IGSF11: variants seen among roughly 807,000 people sequenced by gnomAD.
The protein encoded by IGSF11 is CXADR like 1.
IGSF11 carries 22 observed loss-of-function variants against 41.0 expected under a neutral mutation model. The observed-to-expected ratio is 0.54, with a 90% CI of 0.38 to 0.77. The LOEUF is 0.77. IGSF11 is among the 30% of genes least tolerant of loss of function. The pLI, the probability that IGSF11 is intolerant of heterozygous loss-of-function variation, is 0.00. For missense variants in IGSF11, 444 were observed against 530.8 expected (o/e 0.84, Z 1.61); for synonymous variants, 219 against 201.3 (o/e 1.09, Z -0.74).
At chr3:119,139,273 G>A (rs1316969045) in intron 1 of IGSF11, among the ~76,000 whole-genome samples, 1 of 152,082 alleles carries the variant, frequency 6.6e-6, no homozygotes, top group East Asian at 1.9e-4. Flanking sequence ...GAGTCCTTCA[G>A]GCCAGAATGA....
chr3:119,025,409 A>C (rs1939720895), intron 1 of IGSF11, among the ~76,000 whole-genome samples: 2 of 152,136 alleles, frequency 1.3e-5, no homozygotes, highest in African/African-American at 4.8e-5. Context: ...CCTGACTTAA[A>C]AATTGGGACT....
In IGSF11 at chr3:119,145,943, C is replaced by A. The variant is rs1219298805; in HGVS notation, c.-144G>T. On this transcript the variant is annotated 5_prime_UTR_variant, in exon 1 of 8. Coordinates refer to the IGSF11 transcript ENST00000425327. The stretch of plus-strand genomic sequence containing the variant: ...GCAGGGTGAGGAGAAGCTGTAACTG[C>A]CAGAGCCTGAGAATCGCCCCTTCTC... The A allele has an allele frequency of 8.8e-6, 4 of 456,112 alleles. No homozygotes were observed. In the Admixed American group the frequency reaches 1.6e-4, roughly 18 times the overall value. The allele number at this position is 456,112 out of a possible 1,614,324, so 28.3% of individuals were successfully genotyped here. A position where few individuals can be genotyped will look rare whatever the true frequency, so the allele number is the denominator to read the frequency against.
At chr3:119,000,237 T>C (rs1936683495) in intron 1 of IGSF11, among the ~76,000 whole-genome samples, 1 of 150,580 alleles carries the variant, frequency 6.6e-6, no homozygotes, top group African/African-American at 2.5e-5. Context: ...ACCTCTCCTC[T>C]TTCCACACTC....
rs995642035 is a variant in IGSF11, at chr3:118,926,891, A to G, written c.425-635T>C. Among the ~76,000 whole-genome samples, 5 of 152,346 alleles carry G rather than the reference A, an allele frequency of 3.3e-5. 1 individual carries two copies. Among genetic ancestry groups the G allele is most frequent in the East Asian group, 1.9e-4 (1 of 5,190 alleles). On this transcript the variant is annotated intron_variant, in intron 3 of 6. Transcript: ENST00000393775. ...GAAGAAGGTGGTGATATATAGTAACAAGGAAAAAAACAAAACAAAACCATA... is the reference window on the plus strand; with the variant it reads ...GAAGAAGGTGGTGATATATAGTAACGAGGAAAAAAACAAAACAAAACCATA...
At chr3:119,001,467 CTTT>C (rs113963134) in intron 1 of IGSF11, among the ~76,000 whole-genome samples, 1,522 of 130,574 alleles carry the variant, frequency 0.012, 26 homozygotes, top group East Asian at 0.067. Flanking sequence ...CCCAGGTTTT[CTTT>C]TTTTTTTTTT....
At chr3:119,106,736 C>A (rs150733018), upstream of IGSF11, among the ~76,000 whole-genome samples, 6 of 151,986 alleles carry the variant, frequency 3.9e-5, no homozygotes, top group African/African-American at 9.7e-5. Context: ...ATCCCTCCCC[C>A]CTCCTCCCAC....
At chr3:118,952,816 A>T (rs1264624683) in intron 1 of IGSF11, among the ~76,000 whole-genome samples, 2 of 152,184 alleles carry the variant, frequency 1.3e-5, no homozygotes, top group Admixed American at 1.3e-4. Context: ...TTTTGAATGC[A>T]CTGATCAAAT....
chr3:119,079,878 A>G (rs1196583362), intron 1 of IGSF11, among the ~76,000 whole-genome samples: 1 of 152,186 alleles, frequency 6.6e-6, no homozygotes, highest in Admixed American at 6.5e-5. Context: ...ACCAGGGCCT[A>G]CCTAAGAGTG....
chr3:119,045,119 A>G (rs903492273), intron 1 of IGSF11, among the ~76,000 whole-genome samples: 4 of 152,252 alleles, frequency 2.6e-5, no homozygotes, highest in African/African-American at 7.2e-5. Context: ...CAGAACGGAT[A>G]AAATCCCACA....
intron 1 of IGSF11, among the ~76,000 whole-genome samples, chr3:119,064,511 CTTTTTTT>C (rs779910295): frequency 2.0e-5 from 2 of 101,384 alleles, no homozygotes; most frequent in African/African-American, 3.7e-5. Flanking sequence ...CTTGGCTGCT[CTTTTTTT>C]TTTTTTTTTT....
chr3:118,941,069 A>T (rs1345146408), intron 1 of IGSF11, among the ~76,000 whole-genome samples: 1 of 152,040 alleles, frequency 6.6e-6, no homozygotes, highest in African/African-American at 2.4e-5. Context: ...AGCCTTCTGG[A>T]ATAGGATACA....
At chr3:118,946,445 T>C (rs1186608039) in intron 1 of IGSF11, among the ~76,000 whole-genome samples, 2 of 142,326 alleles carry the variant, frequency 1.4e-5, no homozygotes, top group Non-Finnish European at 3.0e-5. Context: ...CCTATTTTAC[T>C]TAAAAAAAAA....
intron 1 of IGSF11, among the ~76,000 whole-genome samples, chr3:119,047,667 T>C (rs1941422215): frequency 6.6e-6 from 1 of 151,908 alleles, no homozygotes; most frequent in Non-Finnish European, 1.5e-5. Context: ...TCTACAGAAC[T>C]CTCCACCCCA....
intron 1 of IGSF11, among the ~76,000 whole-genome samples, chr3:119,054,557 A>G (rs552463939): frequency 6.6e-6 from 1 of 152,346 alleles, no homozygotes; most frequent in South Asian, 2.1e-4. Flanking sequence ...TCTGGTGAAA[A>G]GGGAACACAT....
intron 1 of IGSF11, among the ~76,000 whole-genome samples, chr3:119,118,107 C>T (rs1414675120): frequency 6.6e-6 from 1 of 152,166 alleles, no homozygotes; most frequent in East Asian, 1.9e-4. Context: ...GTGGATCTAG[C>T]ATTCTGGGGT....
At chr3:119,105,200 T>C (rs1342475288) in exon 1 of IGSF11, 1 of 1,599,780 alleles carries the variant, frequency 6.3e-7, no homozygotes, top group South Asian at 1.1e-5. Context: ...CATTTATTCT[T>C]CTTGCCTGAG....
intron 1 of IGSF11, among the ~76,000 whole-genome samples, chr3:119,128,523 A>C (rs2077435375): frequency 6.6e-6 from 1 of 152,208 alleles, no homozygotes; most frequent in South Asian, 2.1e-4. Context: ...GTGCAAAGAC[A>C]CACACAGGCT....
intron 1 of IGSF11, among the ~76,000 whole-genome samples, chr3:119,096,734 A>G (rs2076857484): frequency 6.6e-6 from 1 of 152,236 alleles, no homozygotes; most frequent in Non-Finnish European, 1.5e-5. Flanking sequence ...GGCGTATCAA[A>G]GGGGAAACAA....
intron 1 of IGSF11, among the ~76,000 whole-genome samples, chr3:118,976,252 T>A (rs955519793): frequency 1.3e-5 from 2 of 152,200 alleles, no homozygotes; most frequent in Admixed American, 1.3e-4. Context: ...AATCATCACT[T>A]CAAAGTCAAT....
Sources: gnomAD v4.1 joint callset for allele counts (sites outside exome capture counted in the v4.1 genomes callset) on GRCh38, gnomAD v4.1.1 for gene constraint, MANE v1.5 for transcripts, NCBI Gene and HGNC (gene_info 2026-07-23, HGNC 2026-07-21) for gene names.